PBRM1: variants seen among roughly 807,000 people sequenced by gnomAD.
PBRM1 encodes polybromo 1.
A neutral mutation model predicts 194.5 loss-of-function variants in PBRM1; 27 were observed. The observed-to-expected ratio is 0.14, with a 90% CI of 0.10 to 0.19. The LOEUF is 0.19. Among genes scored for constraint, PBRM1 ranks in the 10% least tolerant of loss-of-function variants. PBRM1 has a pLI of 1.00. For missense variants in PBRM1, 1,466 were observed against 2,077.2 expected (o/e 0.71, Z 5.72); for synonymous variants, 655 against 693.2 (o/e 0.94, Z 0.87).
At chr3:52,586,118 T>C (rs1291964691) in intron 20 of PBRM1, 1 of 190,208 alleles carries the variant, frequency 5.3e-6, no homozygotes. Context: ...GTATTTTTAG[T>C]AGAGATGAGG....
chr3:52,601,883 C>T (rs1240559558), intron 17 of PBRM1, among the ~76,000 whole-genome samples: 1 of 152,162 alleles, frequency 6.6e-6, no homozygotes, highest in Non-Finnish European at 1.5e-5. Flanking sequence ...TGCACCAGTG[C>T]TGGCAATGGC....
downstream of PBRM1, chr3:52,547,901 T>C: frequency 1.9e-6 from 1 of 536,276 alleles, no homozygotes; most frequent in Middle Eastern, 4.7e-4. Context: ...CAAATTGAAA[T>C]AGCTTATTAA....
intron 6 of PBRM1, among the ~76,000 whole-genome samples, chr3:52,650,710 A>G (rs2096466659): frequency 6.6e-6 from 1 of 152,148 alleles, no homozygotes; most frequent in South Asian, 2.1e-4. Context: ...ACCAACCTCT[A>G]TGACTCTGCA....
chr3:52,615,252 T>C, intron 15 of PBRM1, 99 bp downstream of exon 17: 1 of 687,926 alleles, frequency 1.5e-6, no homozygotes, highest in Non-Finnish European at 2.5e-6. Context: ...GTACAGTGAG[T>C]TCAAATATAT....
intron 22 of PBRM1, among the ~76,000 whole-genome samples, chr3:52,566,718 T>A (rs1397103568): frequency 1.3e-5 from 2 of 152,090 alleles, no homozygotes; most frequent in African/African-American, 2.4e-5. Context: ...ATGAAAAAAT[T>A]CTAGAAATGA....
Position 52,675,861 on chromosome 3 carries a change from ATCCC to A in PBRM1, c.236+2635_236+2638del, listed in dbSNP as rs2097089314. 2.6e-5 allele frequency among the ~76,000 whole-genome samples: 3 copies of A among 117,174 alleles called. 1 individual carries two copies. The highest frequency in any genetic ancestry group is 1.9e-4 in the Admixed American group (2 of 10,602). 76.9% of individuals were successfully genotyped at this position (117,174 alleles called of 152,430 possible). A position where few individuals can be genotyped will look rare whatever the true frequency, so the allele number is the denominator to read the frequency against. On this transcript the variant is annotated intron_variant, in intron 2 of 29. Coordinates refer to ENST00000296302, the Ensembl canonical transcript of PBRM1. ...CCGGGCGCGGTGGCTCACGCCTGTA[ATCCC>A]AGCACTTTGGGAGGCCGAGGCGGGC... is the stretch of plus-strand genomic sequence containing the variant.
intron 17 of PBRM1, among the ~76,000 whole-genome samples, chr3:52,593,494 C>G (rs2093293062): frequency 6.6e-6 from 1 of 152,146 alleles, no homozygotes; most frequent in Admixed American, 6.5e-5. Flanking sequence ...TCCTTGGCCT[C>G]CCAAAATGCT....
chr3:52,593,532 T>C (rs2093297818), intron 17 of PBRM1, among the ~76,000 whole-genome samples: 1 of 152,148 alleles, frequency 6.6e-6, no homozygotes, highest in Non-Finnish European at 1.5e-5. Context: ...CCACCGTGCC[T>C]GGCCATTGAC....
intron 20 of PBRM1, 70 bp from the exon 23 acceptor site, chr3:52,579,269 G>A: frequency 7.1e-7 from 1 of 1,403,076 alleles, no homozygotes; most frequent in South Asian, 1.2e-5. Context: ...AGAAACGAAA[G>A]CAGACTTTTC....
chr3:52,642,340 C>T (rs986504863), intron 9 of PBRM1, among the ~76,000 whole-genome samples: 11 of 151,966 alleles, frequency 7.2e-5, no homozygotes, highest in African/African-American at 1.9e-4. Context: ...TGAGGCTGGG[C>T]GTGGTGGCTC....
At chr3:52,648,036 T>C (rs2096377521) in intron 7 of PBRM1, among the ~76,000 whole-genome samples, 1 of 151,924 alleles carries the variant, frequency 6.6e-6, no homozygotes, top group African/African-American at 2.4e-5. Flanking sequence ...AGCCTCCCGA[T>C]TGGCTGGGAT....
intron 5 of PBRM1, among the ~76,000 whole-genome samples, chr3:52,656,517 T>C (rs2096610176): frequency 2.0e-5 from 3 of 151,888 alleles, no homozygotes; most frequent in Admixed American, 2.0e-4. Flanking sequence ...ATACAAAAAT[T>C]AGCCAGGTGT....
intron 16 of PBRM1, among the ~76,000 whole-genome samples, chr3:52,608,676 T>G (rs1421676798): frequency 6.6e-6 from 1 of 151,790 alleles, no homozygotes; most frequent in Non-Finnish European, 1.5e-5. Flanking sequence ...AGTGCACATA[T>G]AAAATACACT....
At chr3:52,555,401 T>C (rs1347008264) in intron 26 of PBRM1, among the ~76,000 whole-genome samples, 1 of 152,252 alleles carries the variant, frequency 6.6e-6, no homozygotes. Context: ...TCAAGACTTC[T>C]ACATCTACTC....
exon 7 of PBRM1, chr3:52,648,395 G>T (rs1560758576): frequency 6.2e-7 from 1 of 1,609,660 alleles, no homozygotes; most frequent in Non-Finnish European, 8.5e-7. Context: ...TTTTTGCGAG[G>T]AGATCTATAT....
chr3:52,571,575 G>A (rs1239541165), intron 22 of PBRM1, among the ~76,000 whole-genome samples: 2 of 131,454 alleles, frequency 1.5e-5, no homozygotes, highest in Admixed American at 8.9e-5. Context: ...GCGGTGAACC[G>A]AGATTGCACC....
chr3:52,621,860 T>C (rs1488544348), intron 13 of PBRM1, among the ~76,000 whole-genome samples: 2 of 152,148 alleles, frequency 1.3e-5, no homozygotes, highest in African/African-American at 2.4e-5. Flanking sequence ...GAGACCAGCC[T>C]GGGCAATACA....
In PBRM1 at chr3:52,614,373, CAAAAA is replaced by C. The variant is rs1165930996; in HGVS notation, c.1924+973_1924+977del. 8.3e-4 allele frequency among the ~76,000 whole-genome samples: 34 copies of C among 40,916 alleles called. No individual in the cohort carries two copies. The South Asian group carries it at 0.018, about 22-fold the overall frequency. The allele number at this position is 40,916 out of a possible 152,430, so 26.8% of individuals were successfully genotyped here. On this transcript the variant is annotated intron_variant, in intron 15 of 29. Coordinates refer to ENST00000296302, the Ensembl canonical transcript of PBRM1. The stretch of plus-strand genomic sequence containing the variant: ...GGGGTGACAGGGCGAGATGCTTCAT[CAAAAA>C]AAAAAAAAAAAAAAAAAAAAGCAAA...
intron 10 of PBRM1, among the ~76,000 whole-genome samples, chr3:52,637,771 T>TAAAAAA (rs1466126045): frequency 4.8e-5 from 1 of 20,984 alleles, no homozygotes; most frequent in Non-Finnish European, 1.0e-4. Context: ...CTACTAAAAA[T>TAAAAAA]ACAAAAAAAA....
Sources: gnomAD v4.1 joint callset for allele counts (sites outside exome capture counted in the v4.1 genomes callset) on GRCh38, gnomAD v4.1.1 for gene constraint, MANE v1.5 for transcripts, NCBI Gene and HGNC (gene_info 2026-07-23, HGNC 2026-07-21) for gene names.